ARMH4: variants seen among roughly 807,000 people sequenced by gnomAD.
The protein encoded by ARMH4 is armadillo like helical domain containing 4.
In ARMH4, 49 loss-of-function variants were observed where a neutral mutation model predicts 61.9. The ratio of observed to expected loss-of-function variants is 0.79; its 90% CI spans 0.63 to 1.00. The LOEUF (loss-of-function observed/expected upper bound fraction) is 1.00. Among genes scored for constraint, ARMH4 ranks in the 50% least tolerant of loss-of-function variants. The pLI is 0.00. For missense variants in ARMH4, 934 were observed against 930.0 expected (o/e 1.00, Z -0.06); for synonymous variants, 368 against 341.5 (o/e 1.08, Z -0.85).
At chr14:58,104,791 C>T (rs1053446046) in intron 4 of ARMH4, among the ~76,000 whole-genome samples, 1 of 152,152 alleles carries the variant, frequency 6.6e-6, no homozygotes, top group Non-Finnish European at 1.5e-5. Context: ...CTAATGAGTA[C>T]TTGGCAATCA....
chr14:58,120,040 T>C (rs1206263368), intron 4 of ARMH4, among the ~76,000 whole-genome samples: 1 of 152,164 alleles, frequency 6.6e-6, no homozygotes, highest in Admixed American at 6.5e-5. Flanking sequence ...TTCGTCATCA[T>C]GCAAACATCA....
intron 3 of ARMH4, among the ~76,000 whole-genome samples, 158 bp downstream of exon 3, chr14:58,132,932 A>C (rs1449419990): frequency 1.3e-5 from 2 of 152,106 alleles, no homozygotes; most frequent in Non-Finnish European, 2.9e-5. Flanking sequence ...AACAGGACAG[A>C]GCTCACACCC....
At chr14:58,106,160 C>A (rs1886159054) in intron 4 of ARMH4, among the ~76,000 whole-genome samples, 1 of 152,178 alleles carries the variant, frequency 6.6e-6, no homozygotes, top group Non-Finnish European at 1.5e-5. Flanking sequence ...CCCACTGAGT[C>A]CAGCATGCAC....
At chr14:58,053,849 A>C (rs574111207) in intron 5 of ARMH4, among the ~76,000 whole-genome samples, 1 of 152,276 alleles carries the variant, frequency 6.6e-6, no homozygotes, top group South Asian at 2.1e-4. Flanking sequence ...TCACAACCCC[A>C]TTCCGTAGTG....
At chr14:58,095,679 A>G (rs181226641) in intron 5 of ARMH4, among the ~76,000 whole-genome samples, 84 of 152,302 alleles carry the variant, frequency 5.5e-4, no homozygotes, top group African/African-American at 1.8e-3. Context: ...CCTATAGCAT[A>G]TTACACAGGA....
chr14:58,024,186 A>G (rs1226189750), intron 5 of ARMH4, among the ~76,000 whole-genome samples: 4 of 152,200 alleles, frequency 2.6e-5, no homozygotes, highest in Non-Finnish European at 2.9e-5. Context: ...AGTCCTATAT[A>G]ACATCTTCCA....
At chr14:58,013,905 T>C (rs1331744714) in intron 5 of ARMH4, among the ~76,000 whole-genome samples, 2 of 152,010 alleles carry the variant, frequency 1.3e-5, no homozygotes, top group African/African-American at 4.8e-5. Flanking sequence ...CAGACACCTG[T>C]AATCGCAGCT....
intron 2 of ARMH4, among the ~76,000 whole-genome samples, chr14:58,135,251 T>C (rs542463767): frequency 1.3e-5 from 2 of 152,320 alleles, no homozygotes; most frequent in African/African-American, 4.8e-5. Context: ...GTTTGAATTT[T>C]GTCTCTCTTT....
chr14:58,146,231 GGA>G (rs1430098152), intron 1 of ARMH4, among the ~76,000 whole-genome samples: 10 of 152,334 alleles, frequency 6.6e-5, no homozygotes, highest in African/African-American at 2.4e-4. Context: ...AGTGGAAGGA[GGA>G]GAGATTCCAT....
intron 5 of ARMH4, among the ~76,000 whole-genome samples, chr14:58,066,463 G>A (rs1004066509): frequency 2.1e-4 from 32 of 152,176 alleles, no homozygotes; most frequent in African/African-American, 7.7e-4. Flanking sequence ...TTGGGGTGAT[G>A]AAATTGTCTT....
chr14:58,042,044 G>C (rs1472572491), intron 5 of ARMH4, among the ~76,000 whole-genome samples: 3 of 151,940 alleles, frequency 2.0e-5, no homozygotes, highest in Admixed American at 2.0e-4. Flanking sequence ...CAACGAGACA[G>C]AAAGTTAACA....
chr14:58,140,672 G>A (rs553098216), intron 1 of ARMH4, among the ~76,000 whole-genome samples: 22 of 151,360 alleles, frequency 1.5e-4, no homozygotes, highest in South Asian at 4.2e-4. Context: ...ATACCAAGGC[G>A]GGCGGATCAC....
chr14:58,017,077 A>T (rs547496383), intron 5 of ARMH4, among the ~76,000 whole-genome samples: 1 of 152,358 alleles, frequency 6.6e-6, no homozygotes, highest in South Asian at 2.1e-4. Context: ...GCACTTCAGG[A>T]GGCTGAGGCG....
chr14:58,092,169 A>T lies in ARMH4; in HGVS notation c.2089+4555T>A, dbSNP rs1885590230. ...TTTAAAAATTTATATGGGTTTTAGCATTTGCTTTGGAATACCATTCATATT... is the reference window on the plus strand; with the variant it reads ...TTTAAAAATTTATATGGGTTTTAGCTTTTGCTTTGGAATACCATTCATATT... On this transcript the variant is annotated intron_variant, in intron 5 of 7. Transcript: ENST00000267485. 2.0e-5 allele frequency among the ~76,000 whole-genome samples: 3 copies of T among 151,470 alleles called. No homozygotes were observed. The South Asian group carries it at 6.2e-4, about 31-fold the overall frequency.
At chr14:58,092,747 C>T (rs1487476307) in intron 5 of ARMH4, among the ~76,000 whole-genome samples, 1 of 152,030 alleles carries the variant, frequency 6.6e-6, no homozygotes, top group African/African-American at 2.4e-5. Context: ...TCATAAGAAC[C>T]TTGTAATTAT....
intron 5 of ARMH4, among the ~76,000 whole-genome samples, chr14:58,046,771 T>A (rs1229011499): frequency 6.6e-6 from 1 of 152,216 alleles, no homozygotes; most frequent in Non-Finnish European, 1.5e-5. Flanking sequence ...TTGAGAAATA[T>A]CTGGACAGAC....
At chr14:58,145,250 A>G (rs1191208270) in intron 1 of ARMH4, among the ~76,000 whole-genome samples, 1 of 152,256 alleles carries the variant, frequency 6.6e-6, no homozygotes, top group Non-Finnish European at 1.5e-5. Flanking sequence ...GAAACTTGCT[A>G]TATGATACTG....
intron 5 of ARMH4, among the ~76,000 whole-genome samples, chr14:58,043,060 T>C (rs1428628512): frequency 6.6e-6 from 1 of 152,168 alleles, no homozygotes; most frequent in Non-Finnish European, 1.5e-5. Flanking sequence ...TCTGAAACTA[T>C]TCCAATCAAT....
intron 4 of ARMH4, among the ~76,000 whole-genome samples, chr14:58,122,668 C>T (rs910016234): frequency 1.3e-5 from 2 of 152,058 alleles, no homozygotes; most frequent in Non-Finnish European, 2.9e-5. Flanking sequence ...GGCAAGTGGA[C>T]TTTGGAGGCT....
Sources: allele counts gnomAD v4.1 joint callset (sites outside exome capture counted in the v4.1 genomes callset), GRCh38; gene constraint gnomAD v4.1.1; transcripts MANE v1.5; gene names NCBI Gene and HGNC (gene_info 2026-07-23, HGNC 2026-07-21).